Variants in HM13 observed in about 807,000 individuals in gnomAD.
HM13 encodes the protein histocompatibility minor 13.
HM13 carries 18 observed loss-of-function variants against 50.0 expected under a neutral mutation model. The ratio of observed to expected loss-of-function variants is 0.36; its 90% CI spans 0.25 to 0.53. The LOEUF is 0.53. HM13 is among the 20% of genes least tolerant of loss of function. The pLI, the probability that HM13 is intolerant of heterozygous loss-of-function variation, is 0.90. For synonymous variants in HM13, 197 were observed against 232.6 expected (o/e 0.85, Z 1.39); for missense variants, 393 against 552.4 (o/e 0.71, Z 2.89).
rs112384684 is a variant in HM13 at position 31,524,955 on chromosome 20, C to T, written c.184-2529C>T. Among the ~76,000 whole-genome samples the T allele has an allele frequency of 9.3e-3, 1,416 of 152,052 alleles. 18 individuals carry two copies. Among genetic ancestry groups the T allele is most frequent in the African/African-American group, 0.032 (1,338 of 41,470 alleles). On this transcript the variant is annotated intron_variant, in intron 1 of 12. Transcript: ENST00000398174. ...GTCTTGATCTCCTGACCTCACGATC[C>T]GCCTGCCTCGGCCTCCCAAAGTGCT...
At chr20:31,554,613 T>A in intron 7 of HM13, 133 bp from the exon 8 acceptor site, 2 of 647,350 alleles carry the variant, frequency 3.1e-6, no homozygotes, top group Non-Finnish European at 5.3e-6. Context: ...ACCCAGGAGA[T>A]GGAGCTTGCA....
At position 31,549,129 on chromosome 20, in the gene HM13, C is replaced by T. The variant is rs745957755; in HGVS notation, c.540+15C>T. ...TGCTGAGGAAGGTGAGTAGTCAGGA[C>T]CTGGGCAGAAGGGGAGGATGGGGTT... is the stretch of plus-strand genomic sequence containing the variant. On this transcript the variant is annotated intron_variant, in intron 5 of 12. Coordinates refer to ENST00000398174, the MANE Select transcript of HM13 (RefSeq NM_178581.3). 2 of 1,613,842 alleles carry T rather than the reference C, an allele frequency of 1.2e-6. No individual in the cohort carries two copies. The highest frequency in any genetic ancestry group is 2.2e-5 in the South Asian group (2 of 91,058).
chr20:31,514,808 G>C lies in HM13; in HGVS notation c.183+74G>C. Reference sequence around the variant, plus strand: ...GGCCGACATGGACCCTTCCTAGGCGGGACAGACACCTCTCCCCGGACACTG... The same window carrying C: ...GGCCGACATGGACCCTTCCTAGGCGCGACAGACACCTCTCCCCGGACACTG... On this transcript the variant is annotated intron_variant, in intron 1 of 12. Transcript: ENST00000398174. The surrounding 1 kb of genome is among the most constrained non-coding windows in gnomAD (Gnocchi z 4.3). The C allele has an allele frequency of 1.5e-6, 2 of 1,331,556 alleles. No homozygotes were observed. The highest frequency in any genetic ancestry group is 4.1e-5 in the African/African-American group (2 of 48,538). The allele number at this position is 1,331,556 out of a possible 1,614,324, so 82.5% of individuals were successfully genotyped here. A position where few individuals can be genotyped will look rare whatever the true frequency, so the allele number is the denominator to read the frequency against.
chr20:31,528,357 C>T (rs1169779530), intron 2 of HM13, among the ~76,000 whole-genome samples: 4 of 152,158 alleles, frequency 2.6e-5, no homozygotes, highest in Admixed American at 1.3e-4. Flanking sequence ...CACTCCGTCC[C>T]CCAGGCTGGA....
At chr20:31,554,667 G>A (rs1158574216) in intron 7 of HM13, 79 bp from the exon 8 acceptor site, 2 of 1,204,614 alleles carry the variant, frequency 1.7e-6, no homozygotes, top group African/African-American at 1.5e-5. Context: ...GGGTGACAGT[G>A]CGAGACTCCG....
chr20:31,518,598 A>C (rs2122531733), intron 1 of HM13, among the ~76,000 whole-genome samples: 1 of 151,926 alleles, frequency 6.6e-6, no homozygotes, highest in East Asian at 2.0e-4. Context: ...ATGAGCCGAG[A>C]TCATGCCACT....
At chr20:31,555,000 C>T (rs757567069) in intron 8 of HM13, among the ~76,000 whole-genome samples, 171 bp downstream of exon 8, 16 of 152,230 alleles carry the variant, frequency 1.1e-4, no homozygotes, top group Non-Finnish European at 2.1e-4. Flanking sequence ...TACGGAGGGC[C>T]AGTCAGGTGC....
rs1006714520 is a variant in HM13, at chr20:31,567,879, G to A, written c.1035-199G>A. Reference sequence around the variant, plus strand: ...TGCTTGTTCTTCTGCACAGTGGCCTGATGTGCCTTTGTCTAGGTGCATCTT... The same window carrying A: ...TGCTTGTTCTTCTGCACAGTGGCCTAATGTGCCTTTGTCTAGGTGCATCTT... On this transcript the variant is annotated intron_variant, in intron 11 of 12. Coordinates refer to ENST00000398174, the MANE Select transcript of HM13 (RefSeq NM_178581.3). The A allele has an allele frequency of 5.1e-5, 29 of 563,260 alleles. No individual in the cohort carries two copies. In the Admixed American group the frequency reaches 8.4e-4, roughly 16 times the overall value. 34.9% of individuals were successfully genotyped at this position (563,260 alleles called of 1,614,324 possible). A position where few individuals can be genotyped will look rare whatever the true frequency, so the allele number is the denominator to read the frequency against.
At chr20:31,558,181 C>T (rs1984420622) in intron 8 of HM13, among the ~76,000 whole-genome samples, 1 of 152,144 alleles carries the variant, frequency 6.6e-6, no homozygotes, top group Admixed American at 6.5e-5. Flanking sequence ...TCTTTTTTAG[C>T]AGAACCATTG....
chr20:31,558,758 C>G (rs1274049765), intron 8 of HM13, among the ~76,000 whole-genome samples: 1 of 152,002 alleles, frequency 6.6e-6, no homozygotes. Context: ...GAGTCTCACT[C>G]TGTCGTCCAG....
At chr20:31,546,646 C>T (rs555711445) in intron 4 of HM13, among the ~76,000 whole-genome samples, 6 of 151,220 alleles carry the variant, frequency 4.0e-5, no homozygotes, top group Non-Finnish European at 2.9e-5. Context: ...CCTAGCTACT[C>T]GGGAGGCTGA....
At chr20:31,550,442 G>C (rs1983982984) in intron 7 of HM13, 2 of 298,672 alleles carry the variant, frequency 6.7e-6, no homozygotes, top group Non-Finnish European at 1.3e-5. Context: ...TCTAAGCCGA[G>C]ACCCCTCACT....
At position 31,559,471 on chromosome 20, in the gene HM13, T is replaced by C. The variant is rs116642581; in HGVS notation, c.809-140T>C. 3.1e-3 allele frequency: 2,566 copies of C among 837,580 alleles called. 46 individuals carry two copies. The African/African-American group carries it at 0.039, about 13-fold the overall frequency. The allele number at this position is 837,580 out of a possible 1,614,324, so 51.9% of individuals were successfully genotyped here. The stretch of plus-strand genomic sequence containing the variant: ...GAGAAATGGGACTTTCTGCTGTCAC[T>C]TGAGAGTATTGGCCACACCCTTGGT... On this transcript the variant is annotated intron_variant, in intron 8 of 12. Transcript: ENST00000398174.
chr20:31,537,396 G>C (rs933314385), intron 2 of HM13, among the ~76,000 whole-genome samples: 1 of 152,224 alleles, frequency 6.6e-6, no homozygotes, highest in Non-Finnish European at 1.5e-5. Context: ...TGATCTGACA[G>C]ATGTTCAGCA....
At chr20:31,560,939 G>A (rs1984571300) in intron 9 of HM13, among the ~76,000 whole-genome samples, 1 of 152,256 alleles carries the variant, frequency 6.6e-6, no homozygotes, top group East Asian at 1.9e-4. Context: ...CCCAGGTGCT[G>A]GGGACATGCA....
intron 4 of HM13, 96 bp from the exon 5 acceptor site, chr20:31,548,933 C>T (rs1490249223): frequency 1.9e-6 from 2 of 1,058,312 alleles, no homozygotes; most frequent in African/African-American, 3.1e-5. Context: ...GAACCTCTCA[C>T]AGTGCCCACA....
At chr20:31,565,390 A>G (rs1984848895) in intron 10 of HM13, among the ~76,000 whole-genome samples, 1 of 151,024 alleles carries the variant, frequency 6.6e-6, no homozygotes, top group Non-Finnish European at 1.5e-5. Flanking sequence ...GAGGCAGGAG[A>G]ATCGCTTGAA....
chr20:31,558,980 G>A (rs1306535571), intron 8 of HM13, among the ~76,000 whole-genome samples: 2 of 152,104 alleles, frequency 1.3e-5, no homozygotes, highest in East Asian at 1.9e-4. Context: ...ATGCAGTGGC[G>A]CGATCTTGGC....
chr20:31,559,571 T>C, intron 8 of HM13, 40 bp from the exon 9 acceptor site: 1 of 1,610,082 alleles, frequency 6.2e-7, no homozygotes, highest in Non-Finnish European at 8.5e-7. Flanking sequence ...ACTGCCCTGC[T>C]GCTTCCCTGC....
Sources: gnomAD v4.1 joint callset for allele counts (sites outside exome capture counted in the v4.1 genomes callset) on GRCh38, gnomAD v4.1.1 for gene constraint, Gnocchi (gnomAD v3.1) non-coding constraint, MANE v1.5 for transcripts, NCBI Gene and HGNC (gene_info 2026-07-23, HGNC 2026-07-21) for gene names.